Variants in SPRYD7 observed in about 807,000 individuals in gnomAD.
SPRYD7 encodes SPRY domain-containing protein 7.
A neutral mutation model predicts 23.8 loss-of-function variants in SPRYD7; 14 were observed. The observed-to-expected ratio is 0.59, with a 90% CI of 0.39 to 0.92. SPRYD7 has a LOEUF of 0.92. Among genes scored for constraint, SPRYD7 ranks in the 40% least tolerant of loss-of-function variants. The probability of loss-of-function intolerance (pLI) is 0.00; values close to 1 mark genes in which losing one functional copy is unlikely to be tolerated. For missense variants in SPRYD7, 194 were observed against 241.7 expected, an observed-to-expected ratio of 0.80 and a Z score of 1.31; for synonymous variants, 75 against 84.9, an observed-to-expected ratio of 0.88 and a Z score of 0.64.
chr13:49,936,071 C>G, intron 1 of SPRYD7, 59 bp downstream of exon 1: 1 of 1,353,118 alleles, frequency 7.4e-7, no homozygotes, highest in South Asian at 1.4e-5. Flanking sequence ...TGAAGGTCCC[C>G]CTGCCCGCCG....
intron 4 of SPRYD7, among the ~76,000 whole-genome samples, chr13:49,918,418 C>CTTTT (rs1228444265): frequency 0.023 from 2,235 of 97,102 alleles, 51 homozygotes; most frequent in African/African-American, 0.076. Context: ...TTTTTTTTTT[C>CTTTT]TTTTTTTTGA....
chr13:49,916,260 G>T (rs1243146747), intron 4 of SPRYD7, among the ~76,000 whole-genome samples: 1 of 152,146 alleles, frequency 6.6e-6, no homozygotes, highest in African/African-American at 2.4e-5. Context: ...TCTATTTCTT[G>T]ATCTAAGTGG....
intron 4 of SPRYD7, among the ~76,000 whole-genome samples, chr13:49,919,752 T>C (rs1029295870): frequency 4.4e-5 from 6 of 135,506 alleles, no homozygotes; most frequent in Non-Finnish European, 8.0e-5. Context: ...AAAAAGTTGA[T>C]AGTATAAAAA....
At chr13:49,925,894 C>T (rs1335080789) in intron 3 of SPRYD7, among the ~76,000 whole-genome samples, 1 of 151,462 alleles carries the variant, frequency 6.6e-6, no homozygotes, top group South Asian at 2.1e-4. Context: ...CCGTGCTGTA[C>T]TGGGTGATTA....
rs1955715643 is a variant in SPRYD7, at chr13:49,913,494, T to A, written c.*1569A>T. On this transcript the variant is annotated 3_prime_UTR_variant, in exon 5 of 5. Coordinates refer to ENST00000361840, the MANE Select transcript of SPRYD7 (RefSeq NM_020456.4). ...TACTTTACCATCCAGGAAACTACAC[T>A]TACTAAGTGCCTATGATTTTTATTT... is the stretch of plus-strand genomic sequence containing the variant. 6.6e-6 allele frequency: 1 copy of A among 151,792 alleles called. No individual in the cohort carries two copies. Among genetic ancestry groups the A allele is most frequent in the African/African-American group, 2.4e-5 (1 of 41,306 alleles). 9.4% of individuals were successfully genotyped at this position (151,792 alleles called of 1,614,324 possible). A position where few individuals can be genotyped will look rare whatever the true frequency, so the allele number is the denominator to read the frequency against.
intron 2 of SPRYD7, 39 bp downstream of exon 2, chr13:49,930,978 AC>A (rs1446813765): frequency 1.6e-6 from 2 of 1,237,258 alleles, no homozygotes; most frequent in Non-Finnish European, 2.3e-6. Flanking sequence ...AATATTTAGA[AC>A]AATTAGGACT....
Position 49,928,001 on chromosome 13 carries a change from C to T in SPRYD7, c.308G>A (p.Arg103Lys). 6.2e-7 allele frequency: 1 copy of T among 1,614,228 alleles called. No individual in the cohort carries two copies. Among genetic ancestry groups the T allele is most frequent in the Non-Finnish European group, 8.5e-7 (1 of 1,180,036 alleles). Residue 103 changes from arginine (R) to lysine (K), a missense_variant, in exon 3 of 5, where the codon AGA (arginine) becomes AAA (lysine). Coordinates refer to ENST00000361840, the MANE Select transcript of SPRYD7 (RefSeq NM_020456.4). ...LGRDMHSLVM[R>K]NDGALYHNNE... ...GTTGTGGTAAAGGGCTCCATCATTT[C>T]TCATCACCAGACTGTGCATATCTCG...
intron 4 of SPRYD7, among the ~76,000 whole-genome samples, chr13:49,917,410 C>T (rs998714445): frequency 1.3e-5 from 2 of 152,124 alleles, no homozygotes; most frequent in Non-Finnish European, 2.9e-5. Context: ...GCCAGGAAGT[C>T]GTAACTTTGT....
intron 2 of SPRYD7, among the ~76,000 whole-genome samples, chr13:49,929,551 A>G (rs1039591487): frequency 2.0e-5 from 3 of 152,170 alleles, no homozygotes; most frequent in Non-Finnish European, 4.4e-5. Context: ...GCTGGAGCGC[A>G]GTGGCACGAT....
chr13:49,924,355 C>T (rs1037585803), intron 3 of SPRYD7, among the ~76,000 whole-genome samples: 1 of 152,000 alleles, frequency 6.6e-6, no homozygotes, highest in Non-Finnish European at 1.5e-5. Context: ...GGCTCACTGC[C>T]GCCTTTATCT....
chr13:49,919,149 G>A (rs1331248314), intron 4 of SPRYD7, among the ~76,000 whole-genome samples: 1 of 151,940 alleles, frequency 6.6e-6, no homozygotes, highest in African/African-American at 2.4e-5. Flanking sequence ...GGACACGGTG[G>A]CTCATGCCTA....
At chr13:49,921,396 A>G (rs1020638095) in intron 4 of SPRYD7, 82 bp downstream of exon 4, 8 of 893,834 alleles carry the variant, frequency 9.0e-6, no homozygotes, top group Non-Finnish European at 1.5e-5. Flanking sequence ...GTATGTCTTT[A>G]TAGCAGCATG....
chr13:49,933,152 T>G (rs558668074), intron 1 of SPRYD7, among the ~76,000 whole-genome samples: 2 of 152,346 alleles, frequency 1.3e-5, no homozygotes, highest in African/African-American at 4.8e-5. Context: ...CCAAGAAAGC[T>G]GACTCAATCT....
chr13:49,914,965 T>C lies in SPRYD7; in HGVS notation c.*98A>G. 1.7e-6 allele frequency: 1 copy of C among 581,906 alleles called. No homozygotes were observed. Among genetic ancestry groups the C allele is most frequent in the Non-Finnish European group, 2.9e-6 (1 of 347,198 alleles). The allele number at this position is 581,906 out of a possible 1,614,324, so 36.0% of individuals were successfully genotyped here. ...CTTAGACAGCATCAACAAGCATATT[T>C]TTAAGAATATATTTTCATCTATAGG... On this transcript the variant is annotated 3_prime_UTR_variant, in exon 5 of 5. Transcript: ENST00000361840.
chr13:49,921,681 A>T, intron 3 of SPRYD7, 101 bp from the exon 4 acceptor site: 1 of 686,710 alleles, frequency 1.5e-6, no homozygotes, highest in East Asian at 2.6e-5. Context: ...GGCTGACAAC[A>T]ATTTTCATTA....
chr13:49,936,213 C>T lies in SPRYD7; in HGVS notation c.23G>A (p.Cys8Tyr), dbSNP rs1383874576. MATSVLCCLRCCRDGGTG... is the reference protein window; with the variant it reads MATSVLCYLRCCRDGGTG... ...CCCCCCGTCTCTGCAGCACCGCAGG[C>T]AGCACAACACCGAGGTGGCCATCGC... The change falls in exon 1 of 5, where the codon TGC becomes TAC. Residue 8 changes from cysteine to tyrosine, a missense_variant. Transcript: ENST00000361840. 1 of 1,606,296 alleles carries T rather than the reference C, an allele frequency of 6.2e-7. No individual in the cohort carries two copies. Among genetic ancestry groups the T allele is most frequent in the Admixed American group, 1.7e-5 (1 of 59,576 alleles).
At chr13:49,919,096 A>G (rs559280350) in intron 4 of SPRYD7, among the ~76,000 whole-genome samples, 2 of 152,242 alleles carry the variant, frequency 1.3e-5, no homozygotes, top group South Asian at 2.1e-4. Flanking sequence ...AGGCAGAAAA[A>G]TCATATACCT....
intron 3 of SPRYD7, among the ~76,000 whole-genome samples, chr13:49,927,482 C>T (rs1346663604): frequency 2.0e-5 from 3 of 146,850 alleles, no homozygotes; most frequent in African/African-American, 5.0e-5. Context: ...GGTGACAGAG[C>T]GAGACTCTAA....
chr13:49,920,044 CAT>C (rs988871170), intron 4 of SPRYD7, among the ~76,000 whole-genome samples: 20 of 152,014 alleles, frequency 1.3e-4, no homozygotes, highest in African/African-American at 4.8e-4. Context: ...TACTTCTGTA[CAT>C]GTTTGGAATT....
Sources: gnomAD v4.1 joint callset for allele counts (sites outside exome capture counted in the v4.1 genomes callset) on GRCh38, gnomAD v4.1.1 for gene constraint, MANE v1.5 for transcripts, NCBI Gene and HGNC (gene_info 2026-07-23, HGNC 2026-07-21) for gene names.